TRAPPC10: variants seen among roughly 807,000 people sequenced by gnomAD.
The protein encoded by TRAPPC10 is TRAPP 130 kDa subunit.
TRAPPC10 carries 23 observed loss-of-function variants against 125.5 expected under a neutral mutation model. The ratio of observed to expected loss-of-function variants is 0.18; its 90% confidence interval spans 0.13 to 0.26. The LOEUF is 0.26. TRAPPC10 is among the 10% of genes least tolerant of loss of function. TRAPPC10 has a pLI of 1.00. For missense variants in TRAPPC10, 1,123 were observed against 1,308.4 expected (o/e 0.86, Z 2.19); for synonymous variants, 509 against 518.0 (o/e 0.98, Z 0.24).
At chr21:44,090,117 G>T (rs975407442) in intron 18 of TRAPPC10, among the ~76,000 whole-genome samples, 184 bp downstream of exon 18, 1 of 152,114 alleles carries the variant, frequency 6.6e-6, no homozygotes, top group African/African-American at 2.4e-5. Context: ...TTCATATTCA[G>T]GTTTTCCCAA....
chr21:44,058,999 A>C (rs775119242), intron 5 of TRAPPC10, 104 bp from the exon 6 acceptor site: 7 of 761,522 alleles, frequency 9.2e-6, no homozygotes, highest in South Asian at 3.9e-5. Flanking sequence ...GACATTATTC[A>C]TAGTGCTGCG....
chr21:44,067,594 G>A (rs2036544135), intron 7 of TRAPPC10, among the ~76,000 whole-genome samples: 1 of 152,206 alleles, frequency 6.6e-6, no homozygotes, highest in Non-Finnish European at 1.5e-5. Context: ...GTGGGAGACA[G>A]GGATGGGGGT....
chr21:44,034,510 T>G (rs989126212), intron 2 of TRAPPC10, among the ~76,000 whole-genome samples: 13 of 152,124 alleles, frequency 8.5e-5, no homozygotes, highest in African/African-American at 3.1e-4. Flanking sequence ...TGTAGCCAGA[T>G]CCATGCTTCC....
chr21:44,078,390 A>G (rs1489990864), intron 11 of TRAPPC10, among the ~76,000 whole-genome samples: 2 of 151,614 alleles, frequency 1.3e-5, no homozygotes, highest in Non-Finnish European at 2.9e-5. Context: ...ATTTCAGAGT[A>G]CTCAAAGGAG....
intron 11 of TRAPPC10, among the ~76,000 whole-genome samples, chr21:44,078,849 G>A (rs1390193500): frequency 6.6e-6 from 1 of 152,224 alleles, no homozygotes; most frequent in Non-Finnish European, 1.5e-5. Context: ...AGGAGGCTGA[G>A]GCGGGAGGAT....
chr21:44,087,521 C>T lies in TRAPPC10; in HGVS notation c.2540-178C>T, dbSNP rs916653539. ...ATGATGGGTCTGGGCGCCTGCCTGCCGGCTTTCACACAGGGCTGCTCTGTC... is the reference window on the plus strand; with the variant it reads ...ATGATGGGTCTGGGCGCCTGCCTGCTGGCTTTCACACAGGGCTGCTCTGTC... On this transcript the variant is annotated intron_variant, in intron 16 of 22. Transcript: ENST00000291574. This position sits in a 1 kb window ranked among gnomAD's most constrained non-coding sequence, Gnocchi z 4.6. Among the ~76,000 whole-genome samples, 9 of 152,056 alleles carry T rather than the reference C, an allele frequency of 5.9e-5. No individual in the cohort carries two copies. The highest frequency in any genetic ancestry group is 8.8e-5 in the Non-Finnish European group (6 of 68,000).
intron 3 of TRAPPC10, among the ~76,000 whole-genome samples, chr21:44,051,551 G>A (rs1254305261): frequency 6.6e-6 from 1 of 152,196 alleles, no homozygotes; most frequent in East Asian, 1.9e-4. Context: ...GAAGGCCTTG[G>A]CATGTATGTA....
intron 20 of TRAPPC10, among the ~76,000 whole-genome samples, chr21:44,095,412 A>G (rs2146235575): frequency 6.6e-6 from 1 of 151,818 alleles, no homozygotes; most frequent in African/African-American, 2.4e-5. Context: ...CGCCTGGCTA[A>G]TTTTTTGTAG....
intron 1 of TRAPPC10, among the ~76,000 whole-genome samples, chr21:44,027,525 A>T (rs1267441255): frequency 6.6e-6 from 1 of 152,230 alleles, no homozygotes; most frequent in Non-Finnish European, 1.5e-5. Flanking sequence ...AGCACTGGGC[A>T]GTATTGAGTC....
intron 7 of TRAPPC10, among the ~76,000 whole-genome samples, chr21:44,072,955 G>C (rs2036993314): frequency 6.6e-6 from 1 of 152,228 alleles, no homozygotes; most frequent in African/African-American, 2.4e-5. Context: ...TGGTTTGACT[G>C]ATGAGGACGC....
rs2020948 is a variant in TRAPPC10, at chr21:44,063,352, G to A, written c.791-186G>A. Among the ~76,000 whole-genome samples, 47,354 of 152,034 alleles carry A rather than the reference G, an allele frequency of 0.31. 10,335 individuals carry two copies. Among genetic ancestry groups the A allele is most frequent in the African/African-American group, 0.62 (25,640 of 41,418 alleles). On this transcript the variant is annotated intron_variant, in intron 6 of 22. Transcript: ENST00000291574. The surrounding 1 kb of genome is among the most constrained non-coding windows in gnomAD (Gnocchi z 4.4). ...TGGTGTGCCTTGTTGCCTGGGTCAC[G>A]TTACCCTCAGCTCGGCTGTCAGTGC...
intron 3 of TRAPPC10, 105 bp downstream of exon 3, chr21:44,038,032 A>T: frequency 3.0e-6 from 4 of 1,353,740 alleles, no homozygotes; most frequent in Non-Finnish European, 4.0e-6. Context: ...GGTGGGGTGG[A>T]GTTGGAGATG....
At position 44,029,951 on chromosome 21, in the gene TRAPPC10, A is replaced by G. The variant is rs148377842; in HGVS notation, c.68-2140A>G. ...ACAGGTACTGAGGTCAGATGGTCCC[A>G]GGTCAAATTCCTACTTAGGTCAGAT... On this transcript the variant is annotated intron_variant, in intron 1 of 22. Transcript: ENST00000291574. Among the ~76,000 whole-genome samples the G allele has an allele frequency of 6.0e-3, 915 of 152,346 alleles. 14 individuals are homozygous for G. Among genetic ancestry groups the G allele is most frequent in the Non-Finnish European group, 7.1e-3 (480 of 68,034 alleles).
At chr21:44,095,123 C>T (rs1010893678) in intron 20 of TRAPPC10, among the ~76,000 whole-genome samples, 4 of 150,920 alleles carry the variant, frequency 2.7e-5, no homozygotes, top group African/African-American at 4.8e-5. Context: ...AATCATAGCT[C>T]ACTGCAGCCT....
In TRAPPC10 at chr21:44,052,295, A is replaced by G. The variant is rs1267443796; in HGVS notation, c.301A>G (p.Lys101Glu). ...WTECCDTEVY[K>E]ATVKDDLTKW... Reference sequence around the variant, plus strand: ...TTGTTTTTAGGATACCGAAGTGTATAAAGCTACAGTAAAAGATGACCTCAC... The same window carrying G: ...TTGTTTTTAGGATACCGAAGTGTATGAAGCTACAGTAAAAGATGACCTCAC... The change falls in exon 4 of 23, where the codon AAA becomes GAA. Residue 101 changes from lysine to glutamate, a missense_variant. Coordinates refer to ENST00000291574, the MANE Select transcript of TRAPPC10 (RefSeq NM_003274.5). 1.3e-6 allele frequency: 2 copies of G among 1,599,334 alleles called. No individual in the cohort carries two copies. Among genetic ancestry groups the G allele is most frequent in the African/African-American group, 1.4e-5 (1 of 73,806 alleles).
intron 20 of TRAPPC10, among the ~76,000 whole-genome samples, chr21:44,095,386 C>G (rs2038862838): frequency 1.3e-5 from 2 of 151,836 alleles, no homozygotes; most frequent in African/African-American, 4.8e-5. Flanking sequence ...GCTGGGATTA[C>G]AGGCATGCAC....
intron 14 of TRAPPC10, 106 bp downstream of exon 14, chr21:44,083,408 C>A: frequency 1.6e-6 from 2 of 1,267,780 alleles, no homozygotes; most frequent in Non-Finnish European, 2.2e-6. Flanking sequence ...GTCCTTTGTT[C>A]TCCTAACCCT....
At chr21:44,092,368 A>G (rs4819370) in intron 19 of TRAPPC10, among the ~76,000 whole-genome samples, 52,856 of 152,192 alleles carry the variant, frequency 0.35, 12,758 homozygotes, top group African/African-American at 0.69. Context: ...CACTCTGCCC[A>G]GAGCCTGATG....
Position 44,085,452 on chromosome 21 carries a change from T to C in TRAPPC10, c.2380+1189T>C, listed in dbSNP as rs543468817. Among the ~76,000 whole-genome samples the C allele has an allele frequency of 1.7e-3, 259 of 152,288 alleles. 2 individuals carry two copies. The highest frequency in any genetic ancestry group is 5.9e-3 in the African/African-American group (246 of 41,570). On this transcript the variant is annotated intron_variant, in intron 15 of 22. Transcript: ENST00000291574. The stretch of plus-strand genomic sequence containing the variant: ...GATCTATACTCAGATCCCAGCACTT[T>C]GGGAGGCCAAGGCTTTGAGACCAGC...
Sources: gnomAD v4.1 joint callset for allele counts (sites outside exome capture counted in the v4.1 genomes callset) on GRCh38, gnomAD v4.1.1 for gene constraint, Gnocchi (gnomAD v3.1) non-coding constraint, MANE v1.5 for transcripts, NCBI Gene and HGNC (gene_info 2026-07-23, HGNC 2026-07-21) for gene names.